The following RBMS3 variants were observed in gnomAD, a reference collection of about 807,000 sequenced individuals.
RBMS3 encodes RNA-binding motif, single-stranded-interacting protein 3.
In RBMS3, 27 loss-of-function variants were observed where a neutral mutation model predicts 66.8. The observed-to-expected ratio is 0.40, with a 90% CI of 0.30 to 0.56. The LOEUF (loss-of-function observed/expected upper bound fraction) is 0.56, where lower values mean the gene tolerates loss of function less well. RBMS3 is among the 20% of genes least tolerant of loss of function. The pLI is 0.40. For synonymous variants in RBMS3, 188 were observed against 183.0 expected (o/e 1.03, Z -0.22); for missense variants, 513 against 549.5 (o/e 0.93, Z 0.66).
chr3:29,539,205 C>A (rs2045675468), intron 3 of RBMS3, among the ~76,000 whole-genome samples: 1 of 152,140 alleles, frequency 6.6e-6, no homozygotes, highest in South Asian at 2.1e-4. Flanking sequence ...CTTTTGGAAA[C>A]AAAATACATT....
chr3:29,597,780 T>C (rs1472993783), intron 4 of RBMS3, among the ~76,000 whole-genome samples: 1 of 152,104 alleles, frequency 6.6e-6, no homozygotes, highest in Non-Finnish European at 1.5e-5. Context: ...AGCAATATCA[T>C]ACCTTTCTAT....
chr3:29,476,365 C>T (rs1415477144), intron 2 of RBMS3, among the ~76,000 whole-genome samples: 1 of 152,148 alleles, frequency 6.6e-6, no homozygotes, highest in Non-Finnish European at 1.5e-5. Flanking sequence ...TACCTCACCA[C>T]CAGTAAGGTA....
intron 5 of RBMS3, among the ~76,000 whole-genome samples, chr3:29,743,026 A>G (rs2054710712): frequency 6.6e-6 from 1 of 152,232 alleles, no homozygotes; most frequent in Non-Finnish European, 1.5e-5. Context: ...ACCAACACAG[A>G]AAAAGTATTT....
chr3:29,915,226 C>T (rs1005500331), intron 10 of RBMS3, among the ~76,000 whole-genome samples: 2 of 151,462 alleles, frequency 1.3e-5, no homozygotes, highest in Admixed American at 6.6e-5. Flanking sequence ...CTGGATAATC[C>T]CATCTTTGGC....
At chr3:29,913,974 A>T (rs577344423) in intron 10 of RBMS3, among the ~76,000 whole-genome samples, 9 of 152,086 alleles carry the variant, frequency 5.9e-5, no homozygotes, top group African/African-American at 2.2e-4. Flanking sequence ...TTTATATTAT[A>T]CATGGCATGA....
chr3:29,391,050 T>G (rs1377893819), intron 1 of RBMS3: 1 of 388,084 alleles, frequency 2.6e-6, no homozygotes, highest in Non-Finnish European at 5.6e-6. Flanking sequence ...AGGCCCTTTG[T>G]GCTGAACAGC....
intron 11 of RBMS3, among the ~76,000 whole-genome samples, chr3:29,942,261 G>C (rs2061409765): frequency 6.6e-6 from 1 of 151,758 alleles, no homozygotes; most frequent in Non-Finnish European, 1.5e-5. Context: ...GTTCATGCCT[G>C]TTATCACAGC....
intron 6 of RBMS3, among the ~76,000 whole-genome samples, chr3:29,854,306 C>T (rs2059018548): frequency 6.6e-6 from 1 of 152,192 alleles, no homozygotes; most frequent in African/African-American, 2.4e-5. Context: ...AGGCCTCTTA[C>T]AATTTACTTT....
chr3:29,692,154 G>A (rs9824128), intron 4 of RBMS3, among the ~76,000 whole-genome samples: 87,068 of 150,714 alleles, frequency 0.58, 25,324 homozygotes, highest in African/African-American at 0.63. Context: ...GCTAACTTTT[G>A]TATTTTTAGT....
intron 6 of RBMS3, among the ~76,000 whole-genome samples, chr3:29,792,977 A>G (rs2057061388): frequency 6.6e-6 from 1 of 152,140 alleles, no homozygotes; most frequent in African/African-American, 2.4e-5. Flanking sequence ...GGTGGCTCTC[A>G]CCTTTAATCC....
chr3:29,826,133 T>A (rs932809344), intron 6 of RBMS3, among the ~76,000 whole-genome samples: 2 of 152,174 alleles, frequency 1.3e-5, no homozygotes, highest in Non-Finnish European at 2.9e-5. Flanking sequence ...TGTATATCAA[T>A]GATTAGATGG....
intron 2 of RBMS3, among the ~76,000 whole-genome samples, chr3:29,446,844 AG>A (rs1322383490): frequency 6.7e-6 from 1 of 149,058 alleles, no homozygotes; most frequent in Admixed American, 6.7e-5. Flanking sequence ...CTTATTAACT[AG>A]GTGTGTTTTT....
At chr3:29,522,654 G>A (rs766030978) in intron 3 of RBMS3, among the ~76,000 whole-genome samples, 15 of 152,170 alleles carry the variant, frequency 9.9e-5, no homozygotes, top group African/African-American at 1.7e-4. Flanking sequence ...CCAGGTGGGA[G>A]TTGGTACCAG....
intron 8 of RBMS3, among the ~76,000 whole-genome samples, chr3:29,888,000 C>T (rs1043024261): frequency 6.6e-6 from 1 of 151,698 alleles, no homozygotes; most frequent in Admixed American, 6.6e-5. Flanking sequence ...ACACAGTGAG[C>T]ATTTCTCTTT....
chr3:29,901,629 A>AGT (rs2060254611), intron 10 of RBMS3, among the ~76,000 whole-genome samples: 2 of 151,640 alleles, frequency 1.3e-5, no homozygotes, highest in South Asian at 4.1e-4. Flanking sequence ...GTGTATTATT[A>AGT]GTGTGTGTGT....
At chr3:29,600,466 T>A (rs1031856998) in intron 4 of RBMS3, among the ~76,000 whole-genome samples, 5 of 150,848 alleles carry the variant, frequency 3.3e-5, no homozygotes, top group Admixed American at 2.8e-4. Context: ...CTGTCTTGAG[T>A]GGAGGCAACC....
chr3:29,855,561 G>A (rs545964559), intron 6 of RBMS3, among the ~76,000 whole-genome samples: 1 of 152,106 alleles, frequency 6.6e-6, no homozygotes, highest in Non-Finnish European at 1.5e-5. Flanking sequence ...AGCCAAATTT[G>A]CAATGATCTT....
At chr3:30,001,381 C>T (rs961166661) in intron 14 of RBMS3, among the ~76,000 whole-genome samples, 2 of 151,822 alleles carry the variant, frequency 1.3e-5, no homozygotes, top group Non-Finnish European at 2.9e-5. Context: ...TCGTTTGTTA[C>T]GTTCCAATAT....
intron 1 of RBMS3, among the ~76,000 whole-genome samples, chr3:29,382,825 T>G (rs1415813647): frequency 7.0e-6 from 1 of 143,582 alleles, no homozygotes; most frequent in East Asian, 1.9e-4. Context: ...TGAGACATCC[T>G]GGATTTGTTA....
Sources: gnomAD v4.1 joint callset for allele counts (sites outside exome capture counted in the v4.1 genomes callset) on GRCh38, gnomAD v4.1.1 for gene constraint, MANE v1.5 for transcripts, NCBI Gene and HGNC (gene_info 2026-07-23, HGNC 2026-07-21) for gene names.